CAST: variants seen among roughly 807,000 people sequenced by gnomAD.
CAST encodes MIR583 host.
In CAST, 76 loss-of-function variants were observed where a neutral mutation model predicts 119.6. The observed-to-expected ratio is 0.64, with a 90% CI of 0.53 to 0.77. The LOEUF (loss-of-function observed/expected upper bound fraction) is 0.77, where lower values mean the gene tolerates loss of function less well. CAST is among the 30% of genes least tolerant of loss of function. CAST has a pLI of 0.00. For synonymous variants in CAST, 319 were observed against 331.6 expected (o/e 0.96, Z 0.41); for missense variants, 953 against 946.5 (o/e 1.01, Z -0.09).
chr5:96,667,836 A>C (rs1749536620), intron 1 of CAST, among the ~76,000 whole-genome samples: 1 of 152,160 alleles, frequency 6.6e-6, no homozygotes, highest in African/African-American at 2.4e-5. Flanking sequence ...AAGATGGTGA[A>C]ACCCCATCTC....
chr5:96,304,864 A>G, the CAST span, among the ~76,000 whole-genome samples: 1 of 152,178 alleles, frequency 6.6e-6, no homozygotes, highest in African/African-American at 2.4e-5. Flanking sequence ...CTTGTAGTAT[A>G]GTTTGAAGTC....
chr5:96,767,778 TA>T, intron 28 of CAST, 128 bp from the exon 29 acceptor site: 1 of 645,266 alleles, frequency 1.5e-6, no homozygotes, highest in Non-Finnish European at 2.8e-6. Flanking sequence ...ACATTATTAT[TA>T]ATAAAGAATG....
intron 2 of CAST, among the ~76,000 whole-genome samples, chr5:96,676,526 T>C (rs971439680): frequency 1.3e-5 from 2 of 152,160 alleles, no homozygotes; most frequent in African/African-American, 4.8e-5. Flanking sequence ...AGTTTATGCC[T>C]CCATTTTCTA....
chr5:96,415,851 T>C, the CAST span, among the ~76,000 whole-genome samples: 1 of 152,334 alleles, frequency 6.6e-6, no homozygotes, highest in East Asian at 1.9e-4. Flanking sequence ...AACTATCCAT[T>C]TTCTAGGAAT....
chr5:96,527,004 A>T (rs143794285), upstream of CAST, among the ~76,000 whole-genome samples: 86 of 152,282 alleles, frequency 5.6e-4, no homozygotes, highest in African/African-American at 1.9e-3. Context: ...CTTAGCACTC[A>T]CTGAGTCCAC....
chr5:96,310,312 G>A, the CAST span, among the ~76,000 whole-genome samples: 27 of 152,278 alleles, frequency 1.8e-4, no homozygotes, highest in Admixed American at 1.8e-3. Context: ...TCCTTTTAAT[G>A]TGTAGTTGAA....
chr5:96,204,065 T>G, the CAST span, among the ~76,000 whole-genome samples: 8 of 152,040 alleles, frequency 5.3e-5, no homozygotes, highest in Non-Finnish European at 1.0e-4. Flanking sequence ...ATTGTGTTAT[T>G]GAAAAGGGGA....
chr5:96,532,657 G>A (rs926032923), intron 1 of CAST, among the ~76,000 whole-genome samples: 6 of 152,118 alleles, frequency 3.9e-5, no homozygotes, highest in South Asian at 4.2e-4. Context: ...CAAGACCAGC[G>A]TGGCCAACAT....
At chr5:95,987,051 C>A in the CAST span, among the ~76,000 whole-genome samples, 1 of 152,056 alleles carries the variant, frequency 6.6e-6, no homozygotes, top group Non-Finnish European at 1.5e-5. Context: ...AGCCTGTCTG[C>A]CCTTGGGCTT....
In CAST at chr5:96,695,887, G is replaced by A. The variant is rs776693919; in HGVS notation, c.190G>A (p.Gly64Arg). 6.2e-7 allele frequency: 1 copy of A among 1,612,846 alleles called. No homozygotes were observed. The highest frequency in any genetic ancestry group is 1.1e-5 in the South Asian group (1 of 90,914). ...TCAATCCTCCAGAACCTATGCTGGT[G>A]GAACAGCCTCGGCCACCAAGGTCAG... Reference protein sequence around the residue: ...SSQSSRTYAGGTASATKVSAS... With the variant: ...SSQSSRTYAGRTASATKVSAS... Residue 64 changes from glycine (G) to arginine (R), a missense_variant, in exon 3 of 32, where the codon GGA becomes AGA. By Grantham distance (125) the Gly-to-Arg change is moderately radical. Transcript: ENST00000675179.
the CAST span, among the ~76,000 whole-genome samples, chr5:96,356,048 A>G: frequency 6.6e-6 from 1 of 152,126 alleles, no homozygotes; most frequent in Non-Finnish European, 1.5e-5. Flanking sequence ...ATGAGATGGT[A>G]TCTCATTGTG....
At chr5:96,043,713 C>A in the CAST span, among the ~76,000 whole-genome samples, 6 of 152,110 alleles carry the variant, frequency 3.9e-5, no homozygotes, top group African/African-American at 1.4e-4. Context: ...CCCCACTGTC[C>A]CATTCTGTAT....
chr5:96,658,120 T>G (rs1430976150), upstream of CAST, among the ~76,000 whole-genome samples: 2 of 151,952 alleles, frequency 1.3e-5, no homozygotes, highest in African/African-American at 2.4e-5. Context: ...TGTAATTTTG[T>G]GACTCAGTTT....
At chr5:96,095,835 A>C in the CAST span, among the ~76,000 whole-genome samples, 2 of 152,152 alleles carry the variant, frequency 1.3e-5, no homozygotes, top group Non-Finnish European at 2.9e-5. Context: ...AAAATCCTTA[A>C]AGAGAGCCCA....
At chr5:96,443,654 A>G in the CAST span, among the ~76,000 whole-genome samples, 2 of 152,204 alleles carry the variant, frequency 1.3e-5, no homozygotes, top group Admixed American at 6.5e-5. Context: ...TGAAAACAAC[A>G]CTGATGCCCT....
At chr5:96,269,028 T>C in the CAST span, among the ~76,000 whole-genome samples, 21 of 152,166 alleles carry the variant, frequency 1.4e-4, no homozygotes, top group Non-Finnish European at 3.1e-4. Flanking sequence ...TGTGTCTTGC[T>C]TCCCCTTTGC....
At chr5:96,730,906 A>C in intron 9 of CAST, 46 bp downstream of exon 9, 16 of 1,401,490 alleles carry the variant, frequency 1.1e-5, no homozygotes, top group South Asian at 2.3e-5. Flanking sequence ...TGTGCTTCTC[A>C]AGTTTCTTTT....
chr5:96,545,488 T>C (rs1736956711), intron 1 of CAST, among the ~76,000 whole-genome samples: 1 of 152,178 alleles, frequency 6.6e-6, no homozygotes, highest in Non-Finnish European at 1.5e-5. Context: ...ATATACTGAA[T>C]TTTTTTCATT....
the CAST span, chr5:96,434,068 C>G: frequency 6.6e-6 from 1 of 151,796 alleles, no homozygotes; most frequent in Non-Finnish European, 1.5e-5. Context: ...TTATTTACCT[C>G]GACTTTCCAT....
Sources: gnomAD v4.1 joint callset for allele counts (sites outside exome capture counted in the v4.1 genomes callset) on GRCh38, gnomAD v4.1.1 for gene constraint, MANE v1.5 for transcripts, NCBI Gene and HGNC (gene_info 2026-07-23, HGNC 2026-07-21) for gene names.